RELCH: variants seen among roughly 807,000 people sequenced by gnomAD.
RELCH encodes the protein RAB11 binding and LisH domain, coiled-coil and HEAT repeat containing.
Under a neutral mutation model 150.3 loss-of-function variants are expected in RELCH, and 41 were observed. The ratio of observed to expected loss-of-function variants is 0.27; its 90% CI spans 0.21 to 0.35. RELCH has a LOEUF of 0.35. RELCH is among the 10% of genes least tolerant of loss of function. RELCH has a pLI of 1.00. For synonymous variants in RELCH, 478 were observed against 531.8 expected (o/e 0.90, Z 1.39); for missense variants, 1,092 against 1,467.8 (o/e 0.74, Z 4.18).
At chr18:62,295,209 C>T (rs2045345319) in intron 27 of RELCH, among the ~76,000 whole-genome samples, 1 of 151,950 alleles carries the variant, frequency 6.6e-6, no homozygotes, top group South Asian at 2.1e-4. Flanking sequence ...GGGGATTCTT[C>T]TCTATGATTG....
At chr18:62,231,446 GTTGA>G (rs1164990117) in intron 9 of RELCH, among the ~76,000 whole-genome samples, 177 bp downstream of exon 9, 1 of 151,938 alleles carries the variant, frequency 6.6e-6, no homozygotes, top group Non-Finnish European at 1.5e-5. Flanking sequence ...AAGGAAAGTA[GTTGA>G]TTATTTCTGT....
intron 8 of RELCH, 109 bp from the exon 9 acceptor site, chr18:62,231,084 TG>T: frequency 1.4e-6 from 1 of 695,590 alleles, no homozygotes. Flanking sequence ...GTTAGCTTTG[TG>T]GGGTAGGATT....
chr18:62,206,629 A>C (rs1037544758), intron 1 of RELCH, among the ~76,000 whole-genome samples: 4 of 152,210 alleles, frequency 2.6e-5, no homozygotes, highest in African/African-American at 9.7e-5. Flanking sequence ...GTAACAATTT[A>C]ACAGAGGGTT....
Position 62,227,497 on chromosome 18 carries a change from G to A in RELCH, c.1062+5G>A. On this transcript the variant is annotated splice_donor_5th_base_variant and intron_variant, in intron 6 of 28. Coordinates refer to ENST00000644646, the MANE Select transcript of RELCH (RefSeq NM_001346231.2). ...GAAACTCCCCAGCCTGCAGAGGTGA[G>A]AGATAGCAACTAATTAGTCAAGTCC... The A allele has an allele frequency of 1.2e-6, 2 of 1,611,204 alleles. No individual in the cohort carries two copies. The highest frequency in any genetic ancestry group is 1.7e-6 in the Non-Finnish European group (2 of 1,178,032).
intron 1 of RELCH, among the ~76,000 whole-genome samples, chr18:62,192,274 T>TA (rs2038699641): frequency 1.3e-5 from 2 of 152,368 alleles, no homozygotes; most frequent in South Asian, 4.1e-4. Context: ...AAATTCCTTG[T>TA]AGACTCTGGA....
At chr18:62,236,574 C>G (rs1182721095) in intron 10 of RELCH, among the ~76,000 whole-genome samples, 1 of 151,762 alleles carries the variant, frequency 6.6e-6, no homozygotes, top group Non-Finnish European at 1.5e-5. Context: ...GGAATTAGTT[C>G]ATTTCATCTT....
chr18:62,269,426 C>T, intron 20 of RELCH: 1 of 433,780 alleles, frequency 2.3e-6, no homozygotes, highest in Non-Finnish European at 4.6e-6. Context: ...GGAGTATTTG[C>T]ATATACATAA....
At chr18:62,245,016 C>A in intron 11 of RELCH, 140 bp downstream of exon 11, 1 of 599,982 alleles carries the variant, frequency 1.7e-6, no homozygotes. Context: ...AGCATTCCCC[C>A]ATCATGGATT....
intron 1 of RELCH, among the ~76,000 whole-genome samples, chr18:62,196,150 T>A (rs765486873): frequency 4.6e-5 from 7 of 152,324 alleles, no homozygotes; most frequent in Non-Finnish European, 8.8e-5. Flanking sequence ...TATAAAGTAG[T>A]TCCCCTCTGT....
intron 2 of RELCH, among the ~76,000 whole-genome samples, chr18:62,219,325 C>T (rs140127218): frequency 1.5e-3 from 165 of 112,754 alleles, no homozygotes; most frequent in Middle Eastern, 9.3e-3. Context: ...TTCTTTTTTT[C>T]TTTTTTTTTT....
At position 62,277,853 on chromosome 18, in the gene RELCH, G is replaced by C. The variant is rs1466100758; in HGVS notation, c.2968-1921G>C. The stretch of plus-strand genomic sequence containing the variant: ...TAAATTTCCCAAAAGATGCAGAAAA[G>C]AGCTTCATATATATTTTAATCATAA... On this transcript the variant is annotated intron_variant, in intron 22 of 28. Transcript: ENST00000644646. The C allele has an allele frequency of 8.9e-6, 8 of 902,826 alleles. No homozygotes were observed. In the African/African-American group the frequency reaches 1.4e-4, roughly 16 times the overall value. The allele number at this position is 902,826 out of a possible 1,614,324, so 55.9% of individuals were successfully genotyped here.
At chr18:62,274,628 A>G (rs1034182353) in intron 21 of RELCH, among the ~76,000 whole-genome samples, 12 of 152,254 alleles carry the variant, frequency 7.9e-5, no homozygotes, top group Admixed American at 2.0e-4. Flanking sequence ...TTCTACAACA[A>G]CCATGTGACA....
At chr18:62,193,715 A>G (rs1428132095) in intron 1 of RELCH, among the ~76,000 whole-genome samples, 1 of 152,178 alleles carries the variant, frequency 6.6e-6, no homozygotes, top group Non-Finnish European at 1.5e-5. Context: ...GATGAAGCCA[A>G]CTTGATTGTA....
intron 22 of RELCH, among the ~76,000 whole-genome samples, chr18:62,278,826 ATCTAGT>A (rs1568424380): frequency 1.3e-5 from 2 of 152,162 alleles, no homozygotes; most frequent in Admixed American, 6.5e-5. Context: ...GATTATAGAG[ATCTAGT>A]TCTACTCATC....
At chr18:62,301,156 A>G (rs116059600) in intron 28 of RELCH, among the ~76,000 whole-genome samples, 2 of 152,236 alleles carry the variant, frequency 1.3e-5, no homozygotes, top group Non-Finnish European at 2.9e-5. Flanking sequence ...CAGAAAAATC[A>G]GCACTGTGCA....
chr18:62,269,414 A>C (rs1277957451), intron 20 of RELCH: 1 of 428,570 alleles, frequency 2.3e-6, no homozygotes, highest in African/African-American at 2.1e-5. Flanking sequence ...TTTTCAGATA[A>C]AGGAGTATTT....
At chr18:62,303,323 C>A (rs771161773) in intron 28 of RELCH, among the ~76,000 whole-genome samples, 1 of 152,148 alleles carries the variant, frequency 6.6e-6, no homozygotes, top group Non-Finnish European at 1.5e-5. Context: ...GATATATACA[C>A]CCCTGCAGAT....
rs1170435696 is a variant in RELCH at position 62,307,052 on chromosome 18, T to G, written c.*1518T>G. On this transcript the variant is annotated 3_prime_UTR_variant, in exon 29 of 29. Coordinates refer to ENST00000644646, the MANE Select transcript of RELCH (RefSeq NM_001346231.2). ...TGGGTTCTAGGCATTCCTGAGAAAT[T>G]GAAAGTGGCTACCTTTCATGTCAAA... The G allele has an allele frequency of 6.6e-6, 1 of 152,436 alleles. No individual in the cohort carries two copies. The highest frequency in any genetic ancestry group is 1.9e-4 in the East Asian group (1 of 5,206). 9.4% of individuals were successfully genotyped at this position (152,436 alleles called of 1,614,324 possible).
intron 1 of RELCH, among the ~76,000 whole-genome samples, chr18:62,191,613 T>C (rs2038644306): frequency 6.6e-6 from 1 of 152,342 alleles, no homozygotes; most frequent in Admixed American, 6.5e-5. Flanking sequence ...ACTGTTCAGC[T>C]CCTACTTATA....
Sources: allele counts gnomAD v4.1 joint callset (sites outside exome capture counted in the v4.1 genomes callset), GRCh38; gene constraint gnomAD v4.1.1; transcripts MANE v1.5; gene names NCBI Gene and HGNC (gene_info 2026-07-23, HGNC 2026-07-21).